SLCO3A1: variants seen among roughly 807,000 people sequenced by gnomAD.
The protein encoded by SLCO3A1 is solute carrier organic anion transporter family member 3A1, also known as PGE1 transporter.
In SLCO3A1, 27 loss-of-function variants were observed where a neutral mutation model predicts 63.1. That is an observed-to-expected ratio of 0.43 (90% CI 0.32 to 0.59). The LOEUF is 0.59. Ranked by LOEUF, SLCO3A1 falls within the 20% of genes least tolerant of loss-of-function variation. SLCO3A1 has a pLI of 0.09. For synonymous variants in SLCO3A1, 473 were observed against 409.9 expected (o/e 1.15, Z -1.86); for missense variants, 773 against 945.8 (o/e 0.82, Z 2.40).
chr15:92,066,269 G>C (rs946512393), intron 2 of SLCO3A1, among the ~76,000 whole-genome samples: 5 of 152,370 alleles, frequency 3.3e-5, no homozygotes, highest in Admixed American at 6.5e-5. Flanking sequence ...AGGCTCTTCA[G>C]GGGAAGAGTG....
intron 2 of SLCO3A1, among the ~76,000 whole-genome samples, chr15:91,995,780 G>GA (rs1355292115): frequency 1.8e-4 from 23 of 128,278 alleles, no homozygotes; most frequent in African/African-American, 3.2e-4. Flanking sequence ...ACACAAGATG[G>GA]AAAAAAAAAA....
At chr15:92,152,391 C>T (rs2048317830) in intron 9 of SLCO3A1, among the ~76,000 whole-genome samples, 1 of 152,220 alleles carries the variant, frequency 6.6e-6, no homozygotes, top group African/African-American at 2.4e-5. Flanking sequence ...CAACCACTAT[C>T]AATCCATGTT....
chr15:92,143,407 TA>T (rs1555436572), intron 7 of SLCO3A1, among the ~76,000 whole-genome samples: 13 of 552 alleles, frequency 0.024, 5 homozygotes, highest in Admixed American at 0.22. Context: ...ATAATATATA[TA>T]ATATATATAT....
chr15:92,092,117 A>G (rs149278245), intron 2 of SLCO3A1, among the ~76,000 whole-genome samples: 43 of 152,236 alleles, frequency 2.8e-4, no homozygotes, highest in African/African-American at 9.9e-4. Flanking sequence ...TGGGACCCCA[A>G]TTGTGCTATG....
rs559319798 is a variant in SLCO3A1, at chr15:92,110,728, A to C, written c.1009+6186A>C. Among the ~76,000 whole-genome samples the C allele has an allele frequency of 5.3e-5, 8 of 152,256 alleles. No homozygotes were observed. In the South Asian group the frequency reaches 1.7e-3, roughly 32 times the overall value. Reference sequence around the variant, plus strand: ...TACGCTTCATGAAGGCAGGGACTGCAGTTGTTTTTTCTCATGTCCTGGTAC... The same window carrying C: ...TACGCTTCATGAAGGCAGGGACTGCCGTTGTTTTTTCTCATGTCCTGGTAC... On this transcript the variant is annotated intron_variant, in intron 4 of 9. Transcript: ENST00000318445.
chr15:92,079,296 T>C (rs1450595872), intron 2 of SLCO3A1, among the ~76,000 whole-genome samples: 1 of 152,156 alleles, frequency 6.6e-6, no homozygotes, highest in African/African-American at 2.4e-5. Context: ...CCCACTCTGG[T>C]CTTGGGAGCT....
chr15:92,121,977 G>A (rs2047868127), intron 5 of SLCO3A1, among the ~76,000 whole-genome samples: 1 of 152,230 alleles, frequency 6.6e-6, no homozygotes, highest in South Asian at 2.1e-4. Context: ...CCCACGAGAG[G>A]GAAGGAGTAG....
At chr15:91,879,365 A>C (rs1897493075) in intron 1 of SLCO3A1, among the ~76,000 whole-genome samples, 1 of 151,902 alleles carries the variant, frequency 6.6e-6, no homozygotes, top group Admixed American at 6.6e-5. Flanking sequence ...GTTACTATGG[A>C]AACAGTGATG....
At chr15:92,099,015 C>G (rs1468007245) in intron 3 of SLCO3A1, among the ~76,000 whole-genome samples, 1 of 152,234 alleles carries the variant, frequency 6.6e-6, no homozygotes, top group East Asian at 1.9e-4. Flanking sequence ...GCTGGCTTCC[C>G]TGAAACATCT....
Position 92,054,204 on chromosome 15 carries a change from A to G in SLCO3A1, c.647-40677A>G, listed in dbSNP as rs530291113. ...CCCCATCGATGTTCATTTTCCAGCA[A>G]CTTTTTACTTTCTGGCTCTATGAGA... is the stretch of plus-strand genomic sequence containing the variant. On this transcript the variant is annotated intron_variant, in intron 2 of 9. Transcript: ENST00000318445. Among the ~76,000 whole-genome samples the G allele has an allele frequency of 2.0e-5, 3 of 152,146 alleles. No individual in the cohort carries two copies. The South Asian group carries it at 6.2e-4, about 32-fold the overall frequency.
chr15:91,971,576 A>G (rs1325440872), intron 2 of SLCO3A1, among the ~76,000 whole-genome samples: 1 of 152,018 alleles, frequency 6.6e-6, no homozygotes, highest in Admixed American at 6.6e-5. Flanking sequence ...TCCTAAGCAC[A>G]GGACACCTGT....
chr15:92,150,328 C>G (rs1321214850), intron 8 of SLCO3A1, among the ~76,000 whole-genome samples: 1 of 152,178 alleles, frequency 6.6e-6, no homozygotes, highest in Non-Finnish European at 1.5e-5. Flanking sequence ...CTGACTCACT[C>G]AAATGTTAAT....
In SLCO3A1 at chr15:91,863,719, C is replaced by A. The variant is rs2141842410; in HGVS notation, c.180+9631C>A. ...GAGAAGAAACTTAAAGGGAGCCAGG[C>A]CCATGAAATAGATGTAGAAGAGCTT... On this transcript the variant is annotated intron_variant, in intron 1 of 9. Coordinates refer to ENST00000318445, the MANE Select transcript of SLCO3A1 (RefSeq NM_013272.4). The surrounding 1 kb of genome is among the most constrained non-coding windows in gnomAD (Gnocchi z 4.3). Among the ~76,000 whole-genome samples, 1 of 152,246 alleles carries A rather than the reference C, an allele frequency of 6.6e-6. No individual in the cohort carries two copies. Among genetic ancestry groups the A allele is most frequent in the South Asian group, 2.1e-4 (1 of 4,828 alleles).
chr15:91,913,303 G>A lies in SLCO3A1; in HGVS notation c.181-2690G>A, dbSNP rs375577024. Among the ~76,000 whole-genome samples the A allele has an allele frequency of 7.9e-5, 12 of 152,344 alleles. No homozygotes were observed. In the East Asian group the frequency reaches 1.4e-3, roughly 17 times the overall value. On this transcript the variant is annotated intron_variant, in intron 1 of 9. Coordinates refer to ENST00000318445, the MANE Select transcript of SLCO3A1 (RefSeq NM_013272.4). ...ATAACCCTGCTCTGCAGAGCTTGCC[G>A]AAGGCCAGGGCTGAAAGAGAGACCC...
At position 91,957,063 on chromosome 15, in the gene SLCO3A1, ATATT is replaced by A. The variant is rs1900238365; in HGVS notation, c.646+40606_646+40609del. 1.5e-4 allele frequency among the ~76,000 whole-genome samples: 3 copies of A among 19,362 alleles called. 1 individual carries two copies. Among genetic ancestry groups the A allele is most frequent in the East Asian group, 4.0e-3 (2 of 494 alleles). The allele number at this position is 19,362 out of a possible 152,430, so 12.7% of individuals were successfully genotyped here. A position where few individuals can be genotyped will look rare whatever the true frequency, so the allele number is the denominator to read the frequency against. Reference sequence around the variant, plus strand: ...ATAGTATATATATAATATATACTATATATTATATATATACTATATAGTATATATA... The same window carrying A: ...ATAGTATATATATAATATATACTATAATATATATACTATATAGTATATATA... On this transcript the variant is annotated intron_variant, in intron 2 of 9. Transcript: ENST00000318445.
intron 2 of SLCO3A1, among the ~76,000 whole-genome samples, chr15:91,991,733 CA>C (rs1343475375): frequency 3.3e-5 from 5 of 152,224 alleles, no homozygotes; most frequent in Non-Finnish European, 5.9e-5. Flanking sequence ...TTATGCTTTA[CA>C]AAACTAAACG....
At chr15:92,142,515 A>G (rs1000179030) in intron 7 of SLCO3A1, among the ~76,000 whole-genome samples, 22 of 152,250 alleles carry the variant, frequency 1.4e-4, no homozygotes, top group African/African-American at 5.1e-4. Context: ...TCGTGACCTA[A>G]TCACCTCCTG....
chr15:92,108,679 G>A (rs749084404), intron 4 of SLCO3A1, among the ~76,000 whole-genome samples: 56 of 152,146 alleles, frequency 3.7e-4, no homozygotes, highest in South Asian at 2.1e-4. Flanking sequence ...TTCTGCAGCC[G>A]CATGTCCATC....
In SLCO3A1 at chr15:91,882,015, T is replaced by C. The variant is rs577638722; in HGVS notation, c.180+27927T>C. Among the ~76,000 whole-genome samples, 35 of 152,262 alleles carry C rather than the reference T, an allele frequency of 2.3e-4. 1 individual carries two copies. The highest frequency in any genetic ancestry group is 4.6e-4 in the Admixed American group (7 of 15,298). Reference sequence around the variant, plus strand: ...TGCCTTCAAGTACAAATGCTTTTCATTGGAGAGTTTGGTTCTAAAGCAGCC... The same window carrying C: ...TGCCTTCAAGTACAAATGCTTTTCACTGGAGAGTTTGGTTCTAAAGCAGCC... On this transcript the variant is annotated intron_variant, in intron 1 of 9. Coordinates refer to ENST00000318445, the MANE Select transcript of SLCO3A1 (RefSeq NM_013272.4). The surrounding 1 kb of genome is among the most constrained non-coding windows in gnomAD (Gnocchi z 4.4).
Sources: allele counts gnomAD v4.1 joint callset (sites outside exome capture counted in the v4.1 genomes callset), GRCh38; gene constraint gnomAD v4.1.1; non-coding constraint Gnocchi (gnomAD v3.1); transcripts MANE v1.5; gene names NCBI Gene and HGNC (gene_info 2026-07-23, HGNC 2026-07-21).